ARAP2: variants seen among roughly 807,000 people sequenced by gnomAD.
The protein encoded by ARAP2 is ArfGAP with RhoGAP domain, ankyrin repeat and PH domain 2.
A neutral mutation model predicts 194.5 loss-of-function variants in ARAP2; 148 were observed. That is an observed-to-expected ratio of 0.76 (90% CI 0.67 to 0.87). The LOEUF is 0.87. ARAP2 is among the 40% of genes least tolerant of loss of function. The probability of loss-of-function intolerance (pLI) is 0.00; values close to 1 mark genes in which losing one functional copy is unlikely to be tolerated. For synonymous variants in ARAP2, 695 were observed against 683.5 expected, an observed-to-expected ratio of 1.02 and a Z score of -0.26; for missense variants, 2,128 against 1,989.7, an observed-to-expected ratio of 1.07 and a Z score of -1.32.
intron 2 of ARAP2, 38 bp downstream of exon 2, chr4:36,228,544 C>A (rs766561891): frequency 6.6e-7 from 1 of 1,506,378 alleles, no homozygotes; most frequent in South Asian, 1.4e-5. Flanking sequence ...TGAATTTCCT[C>A]AAATTGAATA....
In ARAP2 at chr4:36,121,211, C is replaced by T; in HGVS notation, c.3862G>A (p.Asp1288Asn). The T allele has an allele frequency of 6.2e-7, 1 of 1,601,546 alleles. No individual in the cohort carries two copies. Among genetic ancestry groups the T allele is most frequent in the Non-Finnish European group, 8.5e-7 (1 of 1,173,264 alleles). ...QTSEEVNVIE[D>N]LINNYVEIFE... ...ATTTCTACATAATTATTAATTAGGT[C>T]CTCAATTACATTCACTTCTTCACTA... The change falls in exon 23 of 33, where the codon GAC becomes AAC. Residue 1288 changes from aspartate (D) to asparagine (N), a missense_variant. Coordinates refer to ENST00000303965, the MANE Select transcript of ARAP2 (RefSeq NM_015230.4).
intron 9 of ARAP2, among the ~76,000 whole-genome samples, chr4:36,172,475 C>A (rs1280758950): frequency 6.6e-6 from 1 of 152,044 alleles, no homozygotes; most frequent in Non-Finnish European, 1.5e-5. Context: ...TAAATATTTC[C>A]ATTTTTTAAT....
chr4:36,070,576 T>C (rs1212331906), intron 32 of ARAP2, among the ~76,000 whole-genome samples: 1 of 152,184 alleles, frequency 6.6e-6, no homozygotes, highest in African/African-American at 2.4e-5. Context: ...GTATAATGGA[T>C]GGGTTCTCAC....
At chr4:36,093,911 A>AT (rs1434299751) in intron 27 of ARAP2, among the ~76,000 whole-genome samples, 1 of 152,182 alleles carries the variant, frequency 6.6e-6, no homozygotes, top group Non-Finnish European at 1.5e-5. Context: ...TTTTCTAGAC[A>AT]TTGCTACCTC....
At chr4:36,071,733 G>T (rs1726991250) in intron 32 of ARAP2, among the ~76,000 whole-genome samples, 1 of 146,242 alleles carries the variant, frequency 6.8e-6, no homozygotes, top group Non-Finnish European at 1.5e-5. Flanking sequence ...AAGTTTTAGG[G>T]TACATGTGCA....
intron 8 of ARAP2, among the ~76,000 whole-genome samples, chr4:36,179,600 T>C (rs1422701934): frequency 6.6e-6 from 1 of 152,110 alleles, no homozygotes; most frequent in Admixed American, 6.5e-5. Flanking sequence ...CCAGAACATA[T>C]GGAGAAGTAG....
intron 1 of ARAP2, among the ~76,000 whole-genome samples, chr4:36,238,178 G>A (rs1456846814): frequency 6.6e-6 from 1 of 152,062 alleles, no homozygotes; most frequent in Non-Finnish European, 1.5e-5. Flanking sequence ...TTAAATTGTG[G>A]TCACTCACAG....
At chr4:36,024,106 A>G (rs554401869) in intron 5 of ARAP2, among the ~76,000 whole-genome samples, 127 of 152,290 alleles carry the variant, frequency 8.3e-4, no homozygotes, top group African/African-American at 2.9e-3. Context: ...CATGTGAGTT[A>G]GAAATTTCAG....
intron 28 of ARAP2, among the ~76,000 whole-genome samples, chr4:36,087,670 T>G (rs1712266266): frequency 6.6e-6 from 1 of 152,150 alleles, no homozygotes. Context: ...TATTAAAGTG[T>G]ACATCAGCTT....
At chr4:36,156,457 GA>G (rs1732537920) in intron 15 of ARAP2, among the ~76,000 whole-genome samples, 3 of 35,000 alleles carry the variant, frequency 8.6e-5, no homozygotes, top group Admixed American at 2.8e-4. Flanking sequence ...AAGAAAGAAA[GA>G]AAGAAAGAAA....
chr4:36,067,138 C>A lies in ARAP2; in HGVS notation c.*769G>T, dbSNP rs1382250687. The A allele has an allele frequency of 6.6e-6, 1 of 152,274 alleles. No homozygotes were observed. Among genetic ancestry groups the A allele is most frequent in the Non-Finnish European group, 1.5e-5 (1 of 68,044 alleles). 9.4% of individuals were successfully genotyped at this position (152,274 alleles called of 1,614,324 possible). On this transcript the variant is annotated 3_prime_UTR_variant, in exon 33 of 33. Coordinates refer to ENST00000303965, the MANE Select transcript of ARAP2 (RefSeq NM_015230.4). ...GTGTAAGTTTCCTCTTAGCAGCCACCAACAATGAGCTCAAACGTAGTGAAT... is the reference window on the plus strand; with the variant it reads ...GTGTAAGTTTCCTCTTAGCAGCCACAAACAATGAGCTCAAACGTAGTGAAT...
chr4:36,164,083 C>A (rs1170237524), intron 11 of ARAP2, among the ~76,000 whole-genome samples: 1 of 152,186 alleles, frequency 6.6e-6, no homozygotes, highest in Non-Finnish European at 1.5e-5. Context: ...CAACATTTGT[C>A]TCATTATTGT....
Position 36,013,138 on chromosome 4 carries a change from G to A in ARAP2, n.1057-307C>T, listed in dbSNP as rs937922101. ...TTGCATTATCAACATTAGGTTTTAAGGAAGACAAAACATTCTCCTTTAAAA... is the reference window on the plus strand; with the variant it reads ...TTGCATTATCAACATTAGGTTTTAAAGAAGACAAAACATTCTCCTTTAAAA... On this transcript the variant is annotated intron_variant and non_coding_transcript_variant, in intron 8 of 12. Coordinates refer to the ARAP2 transcript ENST00000503225. Among the ~76,000 whole-genome samples, 4 of 152,040 alleles carry A rather than the reference G, an allele frequency of 2.6e-5. No homozygotes were observed. The East Asian group carries it at 7.7e-4, about 29-fold the overall frequency.
At chr4:36,052,905 T>C (rs184461674) in intron 2 of ARAP2, among the ~76,000 whole-genome samples, 2 of 152,238 alleles carry the variant, frequency 1.3e-5, no homozygotes, top group African/African-American at 4.8e-5. Context: ...GAGGTGGAGC[T>C]TACAAGTGAG....
intron 20 of ARAP2, among the ~76,000 whole-genome samples, chr4:36,131,283 A>G (rs947769054): frequency 3.3e-5 from 5 of 151,202 alleles, no homozygotes; most frequent in Non-Finnish European, 7.4e-5. Flanking sequence ...GTAGTGCCCA[A>G]TATGTGATTA....
chr4:36,104,820 G>T (rs893356166), intron 27 of ARAP2, among the ~76,000 whole-genome samples: 3 of 151,840 alleles, frequency 2.0e-5, no homozygotes, highest in Admixed American at 6.6e-5. Context: ...TCTTATTTTT[G>T]ACCAGACTAC....
At chr4:36,013,489 A>T (rs913104479) in intron 8 of ARAP2, among the ~76,000 whole-genome samples, 1 of 152,188 alleles carries the variant, frequency 6.6e-6, no homozygotes, top group Non-Finnish European at 1.5e-5. Context: ...AGAGACCATG[A>T]GCATGGAAAG....
chr4:36,160,166 A>G (rs1251962318), intron 13 of ARAP2: 4 of 1,039,592 alleles, frequency 3.8e-6, no homozygotes, highest in Non-Finnish European at 3.5e-6. Flanking sequence ...TTCCCACATT[A>G]TATCAGTCCT....
intron 28 of ARAP2, among the ~76,000 whole-genome samples, chr4:36,084,445 C>T (rs1158207669): frequency 1.3e-5 from 2 of 152,048 alleles, no homozygotes; most frequent in East Asian, 3.9e-4. Context: ...GATTTTGCCA[C>T]CAAATGAGCT....
Sources: allele counts gnomAD v4.1 joint callset (sites outside exome capture counted in the v4.1 genomes callset), GRCh38; gene constraint gnomAD v4.1.1; transcripts MANE v1.5; gene names NCBI Gene and HGNC (gene_info 2026-07-23, HGNC 2026-07-21).